Variants in IL1RAPL2 observed in about 807,000 individuals in gnomAD.
IL1RAPL2 encodes the protein X-linked interleukin-1 receptor accessory protein-like 2.
In IL1RAPL2, 3 loss-of-function variants were observed where a neutral mutation model predicts 44.1. That is an observed-to-expected ratio of 0.07 (90% CI 0.03 to 0.18). IL1RAPL2 has a LOEUF of 0.18. Among genes scored for constraint, IL1RAPL2 ranks in the 10% least tolerant of loss-of-function variants. The pLI is 1.00. For missense variants in IL1RAPL2, 391 were observed against 496.4 expected, an observed-to-expected ratio of 0.79 and a Z score of 2.02; for synonymous variants, 181 against 178.8, an observed-to-expected ratio of 1.01 and a Z score of -0.10.
chrX:104,795,095 G>A (rs1467485521), intron 2 of IL1RAPL2, among the ~76,000 whole-genome samples: 1 of 110,472 alleles, frequency 9.1e-6, no homozygotes. Flanking sequence ...GTGGTTTACA[G>A]AAGAAGATTT....
chrX:105,194,089 GC>G (rs1160897638), intron 2 of IL1RAPL2, among the ~76,000 whole-genome samples: 21 of 111,845 alleles, frequency 1.9e-4, no homozygotes, highest in Non-Finnish European at 3.8e-4. Flanking sequence ...ACATTGTTTT[GC>G]CAACTACCTT....
intron 2 of IL1RAPL2, among the ~76,000 whole-genome samples, chrX:104,890,364 A>C (rs1211736336): frequency 8.9e-6 from 1 of 111,794 alleles, no homozygotes; most frequent in Non-Finnish European, 1.9e-5. Context: ...CTCTTTGAGG[A>C]ATTGCCACAC....
At chrX:104,723,689 G>GA (rs931173761) in intron 2 of IL1RAPL2, among the ~76,000 whole-genome samples, 10 of 108,863 alleles carry the variant, frequency 9.2e-5, no homozygotes, top group Admixed American at 2.9e-4. Context: ...GATTTGGATG[G>GA]AAAAAAAAAT....
At position 105,490,080 on chromosome X, in the gene IL1RAPL2, GGCCTCCCAAA is replaced by G. The variant is rs748173550; in HGVS notation, c.772+5695_772+5704del. 2.3e-3 allele frequency among the ~76,000 whole-genome samples: 257 copies of G among 111,045 alleles called. 1 individual carries two copies. Among genetic ancestry groups the G allele is most frequent in the African/African-American group, 7.8e-3 (239 of 30,557 alleles). On this transcript the variant is annotated intron_variant, in intron 6 of 10. Transcript: ENST00000372582. ...TGAACTCAGGTGATCCACCAGCCTCGGCCTCCCAAAGTGCTGGGATTACAGGCATGAGCCA... is the reference window on the plus strand; with the variant it reads ...TGAACTCAGGTGATCCACCAGCCTCGGTGCTGGGATTACAGGCATGAGCCA...
At chrX:105,095,512 C>T (rs1044195130) in intron 2 of IL1RAPL2, among the ~76,000 whole-genome samples, 6 of 111,377 alleles carry the variant, frequency 5.4e-5, no homozygotes, top group Admixed American at 2.9e-4. Flanking sequence ...TAAAGTTCAG[C>T]GGAATAGAAT....
At position 105,195,562 on chromosome X, in the gene IL1RAPL2, A is replaced by C. The variant is rs1556140422; in HGVS notation, c.170A>C (p.Tyr57Ser). 1 of 1,211,601 alleles carries C rather than the reference A, an allele frequency of 8.3e-7. No individual in the cohort carries two copies. Among genetic ancestry groups the C allele is most frequent in the Admixed American group, 2.2e-5 (1 of 46,102 alleles). The change falls in exon 3 of 11, where the codon TAC becomes TCC. Residue 57 changes from tyrosine to serine, a missense_variant. Physicochemically the swap from Tyr to Ser is moderately radical, Grantham distance 144. Coordinates refer to ENST00000372582, the MANE Select transcript of IL1RAPL2 (RefSeq NM_017416.2). Reference sequence around the variant, plus strand: ...GTCCGAGTGAAATGTGCCCTTTTCTACAGTTATATTCGTACCAACTATAGC... The same window carrying C: ...GTCCGAGTGAAATGTGCCCTTTTCTCCAGTTATATTCGTACCAACTATAGC... ...EPVRVKCALF[Y>S]SYIRTNYSTA...
chrX:105,692,669 G>GAA (rs11298771), intron 6 of IL1RAPL2, among the ~76,000 whole-genome samples: 1 of 98,523 alleles, frequency 1.0e-5, no homozygotes. Flanking sequence ...AATGCTGAAT[G>GAA]AAAAAAAAAA....
At chrX:105,401,764 C>A (rs955871344) in intron 5 of IL1RAPL2, among the ~76,000 whole-genome samples, 1 of 110,323 alleles carries the variant, frequency 9.1e-6, no homozygotes, top group African/African-American at 3.3e-5. Flanking sequence ...TACTCTAATT[C>A]TTATGAAATC....
intron 6 of IL1RAPL2, among the ~76,000 whole-genome samples, chrX:105,550,662 C>T (rs1003915558): frequency 4.5e-5 from 5 of 111,238 alleles, no homozygotes; most frequent in Non-Finnish European, 7.5e-5. Context: ...GCTTGTAGGT[C>T]GTTTCCCAAA....
intron 2 of IL1RAPL2, among the ~76,000 whole-genome samples, chrX:104,866,614 C>T (rs1336579090): frequency 8.9e-6 from 1 of 111,973 alleles, no homozygotes; most frequent in Non-Finnish European, 1.9e-5. Flanking sequence ...AATATTTTCT[C>T]TCTGACTTTT....
intron 6 of IL1RAPL2, among the ~76,000 whole-genome samples, chrX:105,593,851 A>G (rs929428228): frequency 2.7e-5 from 3 of 111,635 alleles, no homozygotes; most frequent in African/African-American, 9.8e-5. Context: ...GGGTCTAGCC[A>G]AAGTACTTTC....
chrX:105,103,638 TG>T (rs1186769088), intron 2 of IL1RAPL2, among the ~76,000 whole-genome samples: 1 of 111,970 alleles, frequency 8.9e-6, no homozygotes, highest in African/African-American at 3.2e-5. Flanking sequence ...TCTGGGCCTA[TG>T]GATACATAAA....
intron 2 of IL1RAPL2, among the ~76,000 whole-genome samples, chrX:105,081,164 CAG>C (rs973845075): frequency 3.6e-5 from 4 of 111,254 alleles, no homozygotes; most frequent in African/African-American, 1.3e-4. Flanking sequence ...CATCTGCAAA[CAG>C]AGACAATTTG....
intron 2 of IL1RAPL2, among the ~76,000 whole-genome samples, chrX:105,182,860 G>A (rs1393992133): frequency 3.6e-5 from 4 of 111,258 alleles, no homozygotes; most frequent in African/African-American, 1.3e-4. Flanking sequence ...GGACTCCCTG[G>A]CAGCACTCAC....
chrX:105,298,765 C>T (rs186158384), intron 5 of IL1RAPL2, among the ~76,000 whole-genome samples: 6 of 109,410 alleles, frequency 5.5e-5, no homozygotes, highest in Non-Finnish European at 7.6e-5. Flanking sequence ...GAGAAAGAGT[C>T]GCCAATTAGG....
intron 1 of IL1RAPL2, among the ~76,000 whole-genome samples, chrX:104,629,292 T>C (rs1184729843): frequency 8.9e-6 from 1 of 111,885 alleles, no homozygotes; most frequent in African/African-American, 3.2e-5. Flanking sequence ...TGTTGAGCAG[T>C]TTTTTTCATA....
At chrX:105,524,483 G>C (rs1024367035) in intron 6 of IL1RAPL2, among the ~76,000 whole-genome samples, 15 of 109,451 alleles carry the variant, frequency 1.4e-4, no homozygotes, top group Admixed American at 1.2e-3. Flanking sequence ...GATATAGGAA[G>C]GTGTGTTTAA....
At chrX:105,327,472 G>C (rs760113419) in intron 5 of IL1RAPL2, among the ~76,000 whole-genome samples, 3 of 112,016 alleles carry the variant, frequency 2.7e-5, no homozygotes, top group Non-Finnish European at 5.6e-5. Context: ...CTGTCACTGT[G>C]TTCATGTGCT....
intron 3 of IL1RAPL2, among the ~76,000 whole-genome samples, chrX:105,228,871 T>C (rs2034041988): frequency 1.8e-5 from 2 of 112,274 alleles, no homozygotes; most frequent in Admixed American, 9.5e-5. Context: ...GTCTATGTTT[T>C]ACTCCTGTAA....
Sources: allele counts gnomAD v4.1 joint callset (sites outside exome capture counted in the v4.1 genomes callset), GRCh38; gene constraint gnomAD v4.1.1; transcripts MANE v1.5; gene names NCBI Gene and HGNC (gene_info 2026-07-23, HGNC 2026-07-21).